The following COL6A2 variants were observed in gnomAD, a reference collection of about 807,000 sequenced individuals.
COL6A2 encodes collagen type VI alpha 2 chain.
A neutral mutation model predicts 124.9 loss-of-function variants in COL6A2; 90 were observed. That is an observed-to-expected ratio of 0.72 (90% CI 0.61 to 0.86). The LOEUF is 0.86. COL6A2 is among the 40% of genes least tolerant of loss of function. The probability of loss-of-function intolerance (pLI) is 0.00; values close to 1 mark genes in which losing one functional copy is unlikely to be tolerated. For synonymous variants in COL6A2, 793 were observed against 618.2 expected, an observed-to-expected ratio of 1.28 and a Z score of -4.19; for missense variants, 1,607 against 1,502.5, an observed-to-expected ratio of 1.07 and a Z score of -1.15.
intron 21 of COL6A2, among the ~76,000 whole-genome samples, chr21:46,123,700 G>GATGA (rs147343161): frequency 2.1e-4 from 32 of 150,324 alleles, no homozygotes; most frequent in Middle Eastern, 3.4e-3. Context: ...TGGGTAGGTG[G>GATGA]GTAGATGGAT....
chr21:46,128,448 T>G (rs953235893), intron 27 of COL6A2, among the ~76,000 whole-genome samples: 3 of 152,224 alleles, frequency 2.0e-5, no homozygotes, highest in African/African-American at 7.2e-5. Flanking sequence ...GGCATCCTCC[T>G]CGGCCCTCCT....
chr21:46,124,863 A>C, intron 22 of COL6A2, 22 bp from the exon 23 acceptor site: 2 of 1,612,816 alleles, frequency 1.2e-6, no homozygotes, highest in African/African-American at 1.3e-5. Flanking sequence ...CCAGAGTCTC[A>C]GCCTCATCCT....
intron 1 of COL6A2, among the ~76,000 whole-genome samples, chr21:46,100,828 G>A (rs983634428): frequency 1.3e-5 from 2 of 152,154 alleles, no homozygotes; most frequent in Non-Finnish European, 2.9e-5. Context: ...TTGCTTCCAC[G>A]TTTGAGCTAC....
chr21:46,113,861 TC>T, intron 4 of COL6A2, 146 bp from the exon 5 acceptor site: 1 of 718,264 alleles, frequency 1.4e-6, no homozygotes, highest in Non-Finnish European at 2.5e-6. Flanking sequence ...GTCTCACAGC[TC>T]CCTCACGCCC....
chr21:46,123,677 ATGGGTGAG>A (rs1167254175), intron 21 of COL6A2, among the ~76,000 whole-genome samples: 1 of 91,064 alleles, frequency 1.1e-5, no homozygotes, highest in Non-Finnish European at 2.2e-5. Flanking sequence ...GAGTAGATGT[ATGGGTGAG>A]TAGGTGGGTA....
rs919942852 is a variant in COL6A2, at chr21:46,126,494, CT to C, written c.2423-8del. 19 of 1,613,126 alleles carry C rather than the reference CT, an allele frequency of 1.2e-5. No individual in the cohort carries two copies. Among genetic ancestry groups the C allele is most frequent in the Admixed American group, 1.7e-5 (1 of 59,996 alleles). ...CCTGGCCTGGCCCGGCCTCTCTCCT[CT>C]CTTCCAGACCCTCAGATCGTGTGCC... On this transcript the variant is annotated splice_region_variant and splice_polypyrimidine_tract_variant and intron_variant, in intron 26 of 27. Transcript: ENST00000300527.
In COL6A2 at chr21:46,116,458, A is replaced by G; in HGVS notation, c.927+55A>G. 1 of 1,606,336 alleles carries G rather than the reference A, an allele frequency of 6.2e-7. No homozygotes were observed. The highest frequency in any genetic ancestry group is 8.5e-7 in the Non-Finnish European group (1 of 1,175,906). ...CCTGCGCCAGCCTCGGCCCAGACCC[A>G]CCTCTTGGCGTCCGCCGCAGCCTGT... On this transcript the variant is annotated intron_variant, in intron 8 of 27. Transcript: ENST00000300527. The surrounding 1 kb of genome is among the most constrained non-coding windows in gnomAD (Gnocchi z 4.6).
intron 5 of COL6A2, among the ~76,000 whole-genome samples, chr21:46,114,307 C>T (rs922856288): frequency 1.3e-5 from 2 of 151,980 alleles, no homozygotes; most frequent in African/African-American, 4.8e-5. Flanking sequence ...CGCCTGTAGT[C>T]CCAGCTACTC....
At position 46,132,010 on chromosome 21, in the gene COL6A2, G is replaced by A. The variant is rs373862445; in HGVS notation, c.2518G>A (p.Gly840Ser). 70 of 1,610,012 alleles carry A rather than the reference G, an allele frequency of 4.3e-5. 1 individual carries two copies. The highest frequency in any genetic ancestry group is 2.0e-4 in the Admixed American group (12 of 59,970). ...RPVDIVFLLDGSERLGEQNFH... is the reference protein window; with the variant it reads ...RPVDIVFLLDSSERLGEQNFH... The stretch of plus-strand genomic sequence containing the variant: ...CGTGGACATCGTCTTCCTGCTGGAC[G>A]GCTCCGAGCGGCTGGGTGAGCAGAA... Residue 840 changes from glycine (G) to serine (S), a missense_variant, in exon 28 of 28, where the codon GGC (glycine) becomes AGC (serine). Physicochemically the swap from Gly to Ser is moderately conservative, Grantham distance 56 (BLOSUM62 0). Coordinates refer to ENST00000300527, the MANE Select transcript of COL6A2 (RefSeq NM_001849.4).
At chr21:46,122,400 C>T (rs1198951618) in intron 19 of COL6A2, 96 bp from the exon 20 acceptor site, 9 of 1,513,394 alleles carry the variant, frequency 5.9e-6, no homozygotes, top group African/African-American at 5.5e-5. Flanking sequence ...TGTGAATGAG[C>T]GAGGGAGGGA....
At chr21:46,127,205 C>T (rs569412488) in intron 27 of COL6A2, among the ~76,000 whole-genome samples, 52 of 152,242 alleles carry the variant, frequency 3.4e-4, no homozygotes, top group African/African-American at 1.2e-3. Flanking sequence ...CCGTCCCCTC[C>T]AGGAGTGTGA....
intron 23 of COL6A2, 46 bp downstream of exon 23, chr21:46,124,966 C>G (rs768669473): frequency 6.2e-7 from 1 of 1,608,646 alleles, no homozygotes; most frequent in Admixed American, 1.7e-5. Context: ...CCTGCCAAAA[C>G]TAGACACCAA....
chr21:46,129,947 G>A, intron 27 of COL6A2: 2 of 656,220 alleles, frequency 3.0e-6, no homozygotes, highest in Non-Finnish European at 1.9e-6. Context: ...GTGCTGCCCA[G>A]GTGCTGGAGG....
rs2078591129 is a variant in COL6A2 at position 46,123,000 on chromosome 21, G to A, written c.1671+63G>A. 3.7e-5 allele frequency: 55 copies of A among 1,486,442 alleles called. 1 individual carries two copies. In the South Asian group the frequency reaches 5.7e-4, roughly 16 times the overall value. 92.1% of individuals were successfully genotyped at this position (1,486,442 alleles called of 1,614,324 possible). A position where few individuals can be genotyped will look rare whatever the true frequency, so the allele number is the denominator to read the frequency against. Reference sequence around the variant, plus strand: ...AGAGGCAGGGAGGGGCCCTGAGGCTGAGCGTGTGCATCTATGAGTACAGGA... The same window carrying A: ...AGAGGCAGGGAGGGGCCCTGAGGCTAAGCGTGTGCATCTATGAGTACAGGA... On this transcript the variant is annotated intron_variant, in intron 21 of 27. Transcript: ENST00000300527.
At chr21:46,109,228 C>T (rs1222113218) in intron 1 of COL6A2, among the ~76,000 whole-genome samples, 10 of 152,262 alleles carry the variant, frequency 6.6e-5, no homozygotes, top group Non-Finnish European at 1.0e-4. Context: ...TGCAGCTGGT[C>T]GTCCTGACAT....
chr21:46,112,867 A>G (rs767272412), intron 4 of COL6A2, 43 bp downstream of exon 4: 1 of 1,612,814 alleles, frequency 6.2e-7, no homozygotes, highest in Admixed American at 1.7e-5. Flanking sequence ...CCGGCAGCTG[A>G]CCCAGCAGAG....
At position 46,125,695 on chromosome 21, in the gene COL6A2, G is replaced by A. The variant is rs1165554663; in HGVS notation, c.1969+78G>A. On this transcript the variant is annotated intron_variant, in intron 25 of 27. Transcript: ENST00000300527. The stretch of plus-strand genomic sequence containing the variant: ...GAGGCGATGAGATGGGAGAAGTCCA[G>A]ACGCGTCCCTCCAACGAGGGCCTCT... 4 of 1,591,240 alleles carry A rather than the reference G, an allele frequency of 2.5e-6. No homozygotes were observed. The African/African-American group carries it at 4.0e-5, about 16-fold the overall frequency.
chr21:46,127,228 C>T (rs2078685244), intron 27 of COL6A2, among the ~76,000 whole-genome samples: 1 of 152,090 alleles, frequency 6.6e-6, no homozygotes, highest in Non-Finnish European at 1.5e-5. Context: ...GTAGGGATGC[C>T]ATGGAGACAG....
chr21:46,126,882 T>C (rs1166499156), intron 27 of COL6A2, among the ~76,000 whole-genome samples: 1 of 152,154 alleles, frequency 6.6e-6, no homozygotes, highest in African/African-American at 2.4e-5. Flanking sequence ...GGGCTGGCCG[T>C]GCATGTGCCA....
Sources: allele counts gnomAD v4.1 joint callset (sites outside exome capture counted in the v4.1 genomes callset), GRCh38; gene constraint gnomAD v4.1.1; non-coding constraint Gnocchi (gnomAD v3.1); transcripts MANE v1.5; gene names NCBI Gene and HGNC (gene_info 2026-07-23, HGNC 2026-07-21).